STK32C: variants seen among roughly 807,000 people sequenced by gnomAD.
The protein encoded by STK32C is serine/threonine-protein kinase 32C.
Under a neutral mutation model 56.5 loss-of-function variants are expected in STK32C, and 31 were observed. The observed-to-expected ratio is 0.55, with a 90% confidence interval of 0.41 to 0.74. The LOEUF is 0.74. Among genes scored for constraint, STK32C ranks in the 30% least tolerant of loss-of-function variants. STK32C has a pLI of 0.00. For missense variants in STK32C, 544 were observed against 676.9 expected, an observed-to-expected ratio of 0.80 and a Z score of 2.18; for synonymous variants, 309 against 289.4, an observed-to-expected ratio of 1.07 and a Z score of -0.69.
chr10:132,252,973 G>A (rs559593306), intron 1 of STK32C, among the ~76,000 whole-genome samples: 43 of 152,226 alleles, frequency 2.8e-4, no homozygotes, highest in Non-Finnish European at 5.1e-4. Context: ...AGCCTCTCCA[G>A]GTCCTCCCCA....
At chr10:132,321,338 T>C (rs2066404212), downstream of STK32C, among the ~76,000 whole-genome samples, 1 of 152,116 alleles carries the variant, frequency 6.6e-6, no homozygotes, top group Non-Finnish European at 1.5e-5. Flanking sequence ...AAGAGGTAAA[T>C]GCTTGGCGTT....
chr10:132,213,826 G>C (rs2062388056), intron 10 of STK32C, among the ~76,000 whole-genome samples: 1 of 152,298 alleles, frequency 6.6e-6, no homozygotes, highest in Non-Finnish European at 1.5e-5. Flanking sequence ...ACTCCAAGGA[G>C]GGATCAAAAG....
chr10:132,224,599 C>G, intron 7 of STK32C, 76 bp from the exon 8 acceptor site: 1 of 1,135,210 alleles, frequency 8.8e-7, no homozygotes, highest in Non-Finnish European at 1.3e-6. Flanking sequence ...ACACAGGTGC[C>G]ATCGCCCTGA....
intron 11 of STK32C, 46 bp from the exon 12 acceptor site, chr10:132,208,197 TGGCCTCACGGTCCCATGACCTGCCCAC>T (rs2062160884): frequency 1.5e-6 from 2 of 1,291,000 alleles, no homozygotes; most frequent in Non-Finnish European, 2.0e-6. Flanking sequence ...CCCACCTCCC[TGGCCTCACGGTCCCATGACCTGCCCAC>T]GGGCTCATGG....
intron 1 of STK32C, among the ~76,000 whole-genome samples, chr10:132,248,150 G>A (rs2063755375): frequency 6.6e-6 from 1 of 152,222 alleles, no homozygotes; most frequent in Non-Finnish European, 1.5e-5. Context: ...GGCAGCCCGG[G>A]CCGCGGCCGC....
intron 2 of STK32C, among the ~76,000 whole-genome samples, chr10:132,244,104 G>A (rs1445160428): frequency 2.0e-5 from 3 of 152,176 alleles, no homozygotes; most frequent in South Asian, 4.1e-4. Context: ...TGAAAGAGCT[G>A]GAAGGACCCC....
chr10:132,306,036 T>C (rs984119716), intron 1 of STK32C, among the ~76,000 whole-genome samples: 2 of 152,208 alleles, frequency 1.3e-5, no homozygotes, highest in African/African-American at 4.8e-5. Context: ...ACAGACAGAC[T>C]CTGTGCTTGC....
intron 2 of STK32C, among the ~76,000 whole-genome samples, chr10:132,234,962 G>A (rs1374311042): frequency 6.6e-6 from 1 of 152,222 alleles, no homozygotes; most frequent in Non-Finnish European, 1.5e-5. Context: ...ATTGTACAGG[G>A]GGCACCAGAC....
chr10:132,216,054 G>A (rs148109166), intron 10 of STK32C, among the ~76,000 whole-genome samples: 1,926 of 152,312 alleles, frequency 0.013, 45 homozygotes, highest in African/African-American at 0.043. Flanking sequence ...TGTGGCAGAA[G>A]AAATTTCTAA....
intron 3 of STK32C, among the ~76,000 whole-genome samples, chr10:132,227,213 C>G (rs573998523): frequency 6.6e-6 from 1 of 152,386 alleles, no homozygotes; most frequent in South Asian, 2.1e-4. Flanking sequence ...GCCAGAGGCA[C>G]CTGGGAGTGG....
At chr10:132,294,447 T>A (rs1443605524) in intron 1 of STK32C, among the ~76,000 whole-genome samples, 8 of 151,466 alleles carry the variant, frequency 5.3e-5, no homozygotes, top group African/African-American at 1.9e-4. Flanking sequence ...CGGCAGGGAG[T>A]GAGTGAGTTT....
At chr10:132,327,142 G>A (rs751670335) in intron 1 of STK32C, among the ~76,000 whole-genome samples, 2 of 152,186 alleles carry the variant, frequency 1.3e-5, no homozygotes, top group Non-Finnish European at 2.9e-5. Flanking sequence ...GACCCGGTGG[G>A]AGGTAACTGA....
At chr10:132,274,143 C>T (rs2064924903) in intron 1 of STK32C, among the ~76,000 whole-genome samples, 5 of 152,218 alleles carry the variant, frequency 3.3e-5, no homozygotes, top group South Asian at 2.1e-4. Context: ...CCTGCGGGGT[C>T]ATTGCTCAGG....
downstream of STK32C, among the ~76,000 whole-genome samples, chr10:132,323,579 CTA>C (rs2066448056): frequency 6.6e-6 from 1 of 152,184 alleles, no homozygotes; most frequent in African/African-American, 2.4e-5. This position sits in a 1 kb window ranked among gnomAD's most constrained non-coding sequence, Gnocchi z 4.8. Context: ...AAACCTGTGT[CTA>C]TGTTAGGTAC....
intron 10 of STK32C, among the ~76,000 whole-genome samples, chr10:132,219,822 G>A (rs1203213954): frequency 2.0e-5 from 3 of 152,166 alleles, no homozygotes; most frequent in African/African-American, 7.2e-5. Context: ...GGAGGGGACT[G>A]ACACCCGTCT....
intron 9 of STK32C, 31 bp from the exon 10 acceptor site, chr10:132,222,803 C>A (rs747144141): frequency 1.3e-6 from 2 of 1,592,726 alleles, no homozygotes; most frequent in Non-Finnish European, 1.7e-6. Context: ...AGCCCCGGCC[C>A]GTGGAGGACG....
chr10:132,282,941 A>T (rs963745084), intron 1 of STK32C, among the ~76,000 whole-genome samples: 2 of 152,216 alleles, frequency 1.3e-5, no homozygotes, highest in African/African-American at 4.8e-5. Context: ...AGCCCCTCTG[A>T]GGCTGGGGTC....
chr10:132,258,289 C>G (rs1384995468), intron 1 of STK32C, among the ~76,000 whole-genome samples: 1 of 152,250 alleles, frequency 6.6e-6, no homozygotes, highest in Non-Finnish European at 1.5e-5. Flanking sequence ...GAGCTCCAGT[C>G]TGATTTTCAC....
chr10:132,282,106 C>T (rs377295390), intron 1 of STK32C, among the ~76,000 whole-genome samples: 18 of 152,190 alleles, frequency 1.2e-4, no homozygotes, highest in African/African-American at 3.6e-4. Context: ...AGGTGCTGGG[C>T]GGGGAGGCGC....
Sources: allele counts gnomAD v4.1 joint callset (sites outside exome capture counted in the v4.1 genomes callset), GRCh38; gene constraint gnomAD v4.1.1; non-coding constraint Gnocchi (gnomAD v3.1); transcripts MANE v1.5; gene names NCBI Gene and HGNC (gene_info 2026-07-23, HGNC 2026-07-21).